The following HIVEP1 variants were observed in gnomAD, a reference collection of about 807,000 sequenced individuals.
HIVEP1 encodes the protein zinc finger protein 40.
A neutral mutation model predicts 180.0 loss-of-function variants in HIVEP1; 36 were observed. The observed-to-expected ratio is 0.20, with a 90% CI of 0.15 to 0.26. The LOEUF is 0.26. HIVEP1 is among the 10% of genes least tolerant of loss of function. The pLI is 1.00. For missense variants in HIVEP1, 3,143 were observed against 3,268.7 expected (o/e 0.96, Z 0.94); for synonymous variants, 1,239 against 1,239.0 (o/e 1.00, Z 0.00).
intron 3 of HIVEP1, among the ~76,000 whole-genome samples, chr6:12,096,943 A>G (rs983221627): frequency 6.6e-6 from 1 of 152,094 alleles, no homozygotes; most frequent in African/African-American, 2.4e-5. Flanking sequence ...TGTACAATAA[A>G]ACAAAACTTG....
At chr6:12,029,274 ATG>A (rs1158059125) in intron 2 of HIVEP1, among the ~76,000 whole-genome samples, 3 of 152,204 alleles carry the variant, frequency 2.0e-5, no homozygotes, top group Non-Finnish European at 4.4e-5. Flanking sequence ...TTTGCATGGC[ATG>A]TGTGTTCCTG....
chr6:12,207,975 C>G, the HIVEP1 span, among the ~76,000 whole-genome samples: 1 of 151,476 alleles, frequency 6.6e-6, no homozygotes, highest in South Asian at 2.1e-4. Context: ...TTGAATTCAG[C>G]TGTGTCACTC....
chr6:12,068,698 C>A (rs1372657657), intron 2 of HIVEP1, among the ~76,000 whole-genome samples: 1 of 152,134 alleles, frequency 6.6e-6, no homozygotes, highest in Non-Finnish European at 1.5e-5. Context: ...TATAAGCAAG[C>A]AGGCACTTAT....
At chr6:12,105,413 C>G (rs1221897475) in intron 3 of HIVEP1, among the ~76,000 whole-genome samples, 1 of 152,156 alleles carries the variant, frequency 6.6e-6, no homozygotes, top group Non-Finnish European at 1.5e-5. Context: ...AAAAGGAGCC[C>G]CAGCTACTGA....
At chr6:12,102,269 C>A (rs546575272) in intron 3 of HIVEP1, among the ~76,000 whole-genome samples, 116 of 152,138 alleles carry the variant, frequency 7.6e-4, no homozygotes, top group African/African-American at 2.6e-3. Context: ...AATACTCCAC[C>A]CAAGAACAAC....
chr6:12,106,183 A>G (rs1371873902), intron 3 of HIVEP1, among the ~76,000 whole-genome samples: 1 of 151,954 alleles, frequency 6.6e-6, no homozygotes, highest in Non-Finnish European at 1.5e-5. Flanking sequence ...TATCTTTTCC[A>G]TGAAGCTGTC....
At chr6:12,082,945 A>G (rs1336418019) in intron 2 of HIVEP1, among the ~76,000 whole-genome samples, 1 of 152,202 alleles carries the variant, frequency 6.6e-6, no homozygotes, top group African/African-American at 2.4e-5. Context: ...TCTATAGCCA[A>G]CATTTTTTAA....
chr6:12,135,978 C>T, intron 7 of HIVEP1, 86 bp downstream of exon 7: 2 of 713,876 alleles, frequency 2.8e-6, no homozygotes, highest in South Asian at 3.4e-5. Context: ...CCCACTGATT[C>T]TGCCTAATTC....
chr6:12,140,477 A>G (rs1758955381), intron 7 of HIVEP1, among the ~76,000 whole-genome samples: 1 of 152,230 alleles, frequency 6.6e-6, no homozygotes, highest in Non-Finnish European at 1.5e-5. Flanking sequence ...AAAAGATCGC[A>G]GCTCCTCGCC....
At chr6:12,095,466 A>C (rs1264109018) in intron 3 of HIVEP1, among the ~76,000 whole-genome samples, 25 of 74,502 alleles carry the variant, frequency 3.4e-4, no homozygotes, top group Admixed American at 7.7e-4. Flanking sequence ...TTCTTCTCTG[A>C]CCCTCCCCCC....
chr6:12,159,073 T>C (rs1212287651), intron 7 of HIVEP1, among the ~76,000 whole-genome samples: 1 of 152,114 alleles, frequency 6.6e-6, no homozygotes, highest in Admixed American at 6.5e-5. Context: ...GGGGTTCTGT[T>C]GTGTCTGCCC....
At chr6:12,132,005 CTT>C (rs1398986709) in intron 6 of HIVEP1, among the ~76,000 whole-genome samples, 1 of 152,186 alleles carries the variant, frequency 6.6e-6, no homozygotes, top group African/African-American at 2.4e-5. Context: ...AATTAGTACT[CTT>C]TAAGTGCCAG....
the HIVEP1 span, among the ~76,000 whole-genome samples, chr6:12,210,399 G>T: frequency 2.0e-5 from 3 of 152,090 alleles, no homozygotes; most frequent in Non-Finnish European, 2.9e-5. Context: ...GAAAATATTC[G>T]ATTTTAATCT....
chr6:12,176,327 A>T, the HIVEP1 span, among the ~76,000 whole-genome samples: 1 of 150,038 alleles, frequency 6.7e-6, no homozygotes, highest in Non-Finnish European at 1.5e-5. Context: ...CCACCTGCAG[A>T]TTCAAGCGAT....
In HIVEP1 at chr6:12,120,367, A is replaced by G. The variant is rs778088917; in HGVS notation, c.572A>G (p.Tyr191Cys). ...SSHCGTTSPS[Y>C]TNTAFDVLLK... ...CATTGTGGCACTACGTCCCCCTCCT[A>G]TACAAACACTGCATTCGATGTCTTA... The change falls in exon 4 of 9, where the codon TAT (tyrosine) becomes TGT (cysteine). Residue 191 changes from tyrosine to cysteine, a missense_variant. Around this residue, in one of 12 missense-constraint regions of HIVEP1, gnomAD observed 306 missense variants for 310.6 expected, o/e 0.99. Transcript: ENST00000379388. 5.6e-6 allele frequency: 9 copies of G among 1,614,178 alleles called. No homozygotes were observed. Among genetic ancestry groups the G allele is most frequent in the East Asian group, 2.2e-5 (1 of 44,880 alleles).
chr6:12,178,365 G>T, the HIVEP1 span, among the ~76,000 whole-genome samples: 5,701 of 152,248 alleles, frequency 0.037, 106 homozygotes, highest in Non-Finnish European at 0.045. Flanking sequence ...GAGGTGGGAG[G>T]ATTACATGGG....
At chr6:12,165,753 T>G (rs1374504820), downstream of HIVEP1, among the ~76,000 whole-genome samples, 1 of 152,228 alleles carries the variant, frequency 6.6e-6, no homozygotes, top group East Asian at 1.9e-4. Context: ...TAACAAAGAT[T>G]GCAGAGACAT....
intron 7 of HIVEP1, among the ~76,000 whole-genome samples, chr6:12,150,567 A>T (rs3777761): frequency 0.27 from 40,430 of 152,124 alleles, 6,183 homozygotes; most frequent in Non-Finnish European, 0.35. Context: ...CCTGTAGAAT[A>T]TATTATCATC....
At chr6:12,091,758 A>G (rs957717294) in intron 3 of HIVEP1, among the ~76,000 whole-genome samples, 9 of 152,108 alleles carry the variant, frequency 5.9e-5, no homozygotes, top group African/African-American at 2.2e-4. Flanking sequence ...CAATTTAGGG[A>G]TAGAGATAAG....
Sources: gnomAD v4.1 joint callset for allele counts (sites outside exome capture counted in the v4.1 genomes callset) on GRCh38, gnomAD v4.1.1 for gene constraint, gnomAD v4.1.1 regional missense constraint, MANE v1.5 for transcripts, NCBI Gene and HGNC (gene_info 2026-07-23, HGNC 2026-07-21) for gene names.